The following ARL5B variants were observed in gnomAD, a reference collection of about 807,000 sequenced individuals.
ARL5B encodes the protein ADP-ribosylation factor-like protein 5B.
ARL5B carries 10 observed loss-of-function variants against 26.9 expected under a neutral mutation model. The ratio of observed to expected loss-of-function variants is 0.37; its 90% confidence interval spans 0.23 to 0.63. The LOEUF (loss-of-function observed/expected upper bound fraction) is 0.63. Ranked by LOEUF, ARL5B falls within the 30% of genes least tolerant of loss-of-function variation. The pLI, the probability that ARL5B is intolerant of heterozygous loss-of-function variation, is 0.62. For synonymous variants in ARL5B, 87 were observed against 70.4 expected (o/e 1.24, Z -1.18); for missense variants, 167 against 213.9 (o/e 0.78, Z 1.37).
intron 2 of ARL5B, among the ~76,000 whole-genome samples, chr10:18,666,899 G>T (rs1385125939): frequency 6.6e-6 from 1 of 152,100 alleles, no homozygotes. Flanking sequence ...GAAGTGCTGG[G>T]GTGAGGTGAT....
intron 3 of ARL5B, 119 bp from the exon 4 acceptor site, chr10:18,672,503 A>G (rs970517351): frequency 1.1e-4 from 68 of 609,582 alleles, no homozygotes; most frequent in Admixed American, 7.6e-4. Context: ...AAAGCAGTAG[A>G]TGTTTTATAG....
chr10:18,662,200 A>T (rs1417044888), intron 1 of ARL5B, among the ~76,000 whole-genome samples: 4 of 152,238 alleles, frequency 2.6e-5, no homozygotes, highest in Admixed American at 1.3e-4. Flanking sequence ...ATTGGGGTGA[A>T]GAGGCCTGGG....
At chr10:18,663,104 G>A (rs540702156) in intron 1 of ARL5B, among the ~76,000 whole-genome samples, 2 of 152,230 alleles carry the variant, frequency 1.3e-5, no homozygotes, top group East Asian at 1.9e-4. Context: ...TGCCTCCCAA[G>A]TTCAAGCAAT....
At chr10:18,666,799 A>C (rs2059863297) in intron 2 of ARL5B, among the ~76,000 whole-genome samples, 164 bp downstream of exon 2, 1 of 152,198 alleles carries the variant, frequency 6.6e-6, no homozygotes, top group Non-Finnish European at 1.5e-5. Flanking sequence ...AAGTGAGTGA[A>C]ATAAACATTT....
At chr10:18,671,268 G>C (rs1415108092) in intron 3 of ARL5B, among the ~76,000 whole-genome samples, 1 of 151,944 alleles carries the variant, frequency 6.6e-6, no homozygotes, top group African/African-American at 2.4e-5. Context: ...CGCCTCCCAG[G>C]TTCAAAGGAT....
intron 1 of ARL5B, among the ~76,000 whole-genome samples, chr10:18,660,058 G>T (rs1423225918): frequency 4.0e-5 from 6 of 151,834 alleles, no homozygotes; most frequent in Admixed American, 3.9e-4. Context: ...CAGAAACCTA[G>T]AACTTTTTTT....
rs1236044967 is a variant in ARL5B at position 18,680,574 on chromosome 10, A to G, written c.*5358A>G. 1 of 152,050 alleles carries G rather than the reference A, an allele frequency of 6.6e-6. No individual in the cohort carries two copies. The highest frequency in any genetic ancestry group is 2.4e-5 in the African/African-American group (1 of 41,422). 9.4% of individuals were successfully genotyped at this position (152,050 alleles called of 1,614,324 possible). On this transcript the variant is annotated 3_prime_UTR_variant, in exon 6 of 6. Coordinates refer to ENST00000377275, the MANE Select transcript of ARL5B (RefSeq NM_178815.5). ...GAGACCATAATCATTTTAATCTTATATTTTCCCTCAGGAAATTTAGGGACT... is the reference window on the plus strand; with the variant it reads ...GAGACCATAATCATTTTAATCTTATGTTTTCCCTCAGGAAATTTAGGGACT...
At chr10:18,672,387 G>A (rs905503507) in intron 3 of ARL5B, among the ~76,000 whole-genome samples, 2 of 152,112 alleles carry the variant, frequency 1.3e-5, no homozygotes, top group African/African-American at 4.8e-5. Context: ...TAAAACAAGT[G>A]GGGCACAGTT....
At chr10:18,674,481 A>G (rs1215030772) in intron 5 of ARL5B, among the ~76,000 whole-genome samples, 1 of 152,084 alleles carries the variant, frequency 6.6e-6, no homozygotes. Context: ...GAAATTTCAC[A>G]TTTTCTGCAA....
chr10:18,676,838 A>G lies in ARL5B; in HGVS notation c.*1622A>G, dbSNP rs1048443926. On this transcript the variant is annotated 3_prime_UTR_variant, in exon 6 of 6. Transcript: ENST00000377275. ...TCTGATTTATCTTTAGTTGGAGCAC[A>G]CCCTTGAACTGAACAGTGGCCAAAG... is the stretch of plus-strand genomic sequence containing the variant. 1 of 151,942 alleles carries G rather than the reference A, an allele frequency of 6.6e-6. No individual in the cohort carries two copies. Among genetic ancestry groups the G allele is most frequent in the South Asian group, 2.1e-4 (1 of 4,828 alleles). The allele number at this position is 151,942 out of a possible 1,614,324, so 9.4% of individuals were successfully genotyped here. A position where few individuals can be genotyped will look rare whatever the true frequency, so the allele number is the denominator to read the frequency against.
chr10:18,668,067 T>C (rs1422662798), intron 2 of ARL5B, among the ~76,000 whole-genome samples: 1 of 152,184 alleles, frequency 6.6e-6, no homozygotes, highest in East Asian at 1.9e-4. Flanking sequence ...AGGACTACTT[T>C]AGATTAATAT....
intron 1 of ARL5B, 132 bp from the exon 2 acceptor site, chr10:18,666,443 G>A (rs371850510): frequency 1.5e-6 from 1 of 679,830 alleles, no homozygotes. Flanking sequence ...ATTTCTTTCT[G>A]CATTTTAAGT....
In ARL5B at chr10:18,681,539, G is replaced by T. The variant is rs2059932166; in HGVS notation, c.*6323G>T. 6.6e-6 allele frequency: 1 copy of T among 152,094 alleles called. No homozygotes were observed. The highest frequency in any genetic ancestry group is 1.9e-4 in the East Asian group (1 of 5,194). The allele number at this position is 152,094 out of a possible 1,614,324, so 9.4% of individuals were successfully genotyped here. On this transcript the variant is annotated 3_prime_UTR_variant, in exon 6 of 6. Transcript: ENST00000377275. ...TCTGGAATGTTCATCTTTTAGACAG[G>T]TTTTGGCTCATTTCCAATCATGGTG...
chr10:18,676,595 AG>A lies in ARL5B; in HGVS notation c.*1382del, dbSNP rs1276990944. The A allele has an allele frequency of 7.2e-5, 11 of 152,072 alleles. No individual in the cohort carries two copies. Among genetic ancestry groups the A allele is most frequent in the African/African-American group, 2.4e-4 (10 of 41,444 alleles). The allele number at this position is 152,072 out of a possible 1,614,324, so 9.4% of individuals were successfully genotyped here. On this transcript the variant is annotated 3_prime_UTR_variant, in exon 6 of 6. Coordinates refer to ENST00000377275, the MANE Select transcript of ARL5B (RefSeq NM_178815.5). Reference sequence around the variant, plus strand: ...AAATGTGTGATTTTGCTGAAATGAAAGGGATAAAATGAATACTTAGAGAATA... The same window carrying A: ...AAATGTGTGATTTTGCTGAAATGAAAGGATAAAATGAATACTTAGAGAATA...
chr10:18,659,848 A>G, intron 1 of ARL5B, 165 bp downstream of exon 1: 3 of 985,382 alleles, frequency 3.0e-6, no homozygotes, highest in Non-Finnish European at 3.6e-6. Context: ...GAGGACGTAC[A>G]GGAGAGACCT....
At position 18,668,556 on chromosome 10, in the gene ARL5B, C is replaced by G. The variant is rs1410790869; in HGVS notation, c.134C>G (p.Ser45Cys). ...QFLMNEVVHT[S>C]PTIGSNVEEI... Reference sequence around the variant, plus strand: ...TTAATGAATGAAGTGGTTCATACTTCTCCAACCATAGGAAGCAATGTTGAA... The same window carrying G: ...TTAATGAATGAAGTGGTTCATACTTGTCCAACCATAGGAAGCAATGTTGAA... The change falls in exon 3 of 6, where the codon TCT becomes TGT. Residue 45 changes from serine (S) to cysteine (C), a missense_variant. Physicochemically the swap from Ser to Cys is moderately radical, Grantham distance 112 (BLOSUM62 -1). Coordinates refer to ENST00000377275, the MANE Select transcript of ARL5B (RefSeq NM_178815.5). The G allele has an allele frequency of 6.2e-7, 1 of 1,614,082 alleles. No individual in the cohort carries two copies. Among genetic ancestry groups the G allele is most frequent in the South Asian group, 1.1e-5 (1 of 91,080 alleles).
rs535747029 is a variant in ARL5B, at chr10:18,663,546, C to CCT, written c.47-3029_47-3028insCT. On this transcript the variant is annotated intron_variant, in intron 1 of 5. Transcript: ENST00000377275. ...ATTTCTCTCTTTAGCTTATTCTGCT[C>CCT]TTTTTTTTTTTTTTTTTTTTGAGAT... 4.9e-3 allele frequency among the ~76,000 whole-genome samples: 481 copies of CCT among 97,926 alleles called. 3 individuals are homozygous for CCT. Among genetic ancestry groups the CCT allele is most frequent in the African/African-American group, 0.019 (462 of 24,682 alleles). The allele number at this position is 97,926 out of a possible 152,430, so 64.2% of individuals were successfully genotyped here.
chr10:18,664,498 C>T (rs2059852147), intron 1 of ARL5B, among the ~76,000 whole-genome samples: 2 of 133,008 alleles, frequency 1.5e-5, no homozygotes, highest in Non-Finnish European at 3.1e-5. Context: ...AGCACAGTGA[C>T]CCGATCTCGG....
chr10:18,659,799 A>G (rs182696656), intron 1 of ARL5B, 116 bp downstream of exon 1: 7 of 1,528,928 alleles, frequency 4.6e-6, no homozygotes, highest in Middle Eastern at 1.7e-4. Context: ...GAAGGGACTT[A>G]GGCCAGGGGG....
Sources: gnomAD v4.1 joint callset for allele counts (sites outside exome capture counted in the v4.1 genomes callset) on GRCh38, gnomAD v4.1.1 for gene constraint, MANE v1.5 for transcripts, NCBI Gene and HGNC (gene_info 2026-07-23, HGNC 2026-07-21) for gene names.